USP31: variants seen among roughly 807,000 people sequenced by gnomAD.
The protein encoded by USP31 is ubiquitin specific peptidase 31, also known as ubiquitin carboxyl-terminal hydrolase 31.
Under a neutral mutation model 119.4 loss-of-function variants are expected in USP31, and 44 were observed. The ratio of observed to expected loss-of-function variants is 0.37; its 90% CI spans 0.29 to 0.47. The LOEUF (loss-of-function observed/expected upper bound fraction) is 0.47. Among genes scored for constraint, USP31 ranks in the 20% least tolerant of loss-of-function variants. The pLI, the probability that USP31 is intolerant of heterozygous loss-of-function variation, is 0.99. For missense variants in USP31, 1,643 were observed against 1,730.2 expected (o/e 0.95, Z 0.89); for synonymous variants, 749 against 705.6 (o/e 1.06, Z -0.97).
At chr16:23,102,987 G>C (rs1211878207) in intron 5 of USP31, among the ~76,000 whole-genome samples, 1 of 152,174 alleles carries the variant, frequency 6.6e-6, no homozygotes, top group African/African-American at 2.4e-5. Context: ...AGGGATTAAA[G>C]CACTGTGGAT....
chr16:23,149,369 C>T lies in USP31; in HGVS notation c.-99G>A, dbSNP rs1322267920. ...CCGCAGCGCCGCGCCTCACCGGGCCCGGGGGCTCGACGCCCCACACACCTC... is the reference window on the plus strand; with the variant it reads ...CCGCAGCGCCGCGCCTCACCGGGCCTGGGGGCTCGACGCCCCACACACCTC... On this transcript the variant is annotated 5_prime_UTR_variant, in exon 1 of 16. Coordinates refer to ENST00000219689, the MANE Select transcript of USP31 (RefSeq NM_020718.4). The T allele has an allele frequency of 2.0e-5, 20 of 989,614 alleles. No homozygotes were observed. The highest frequency in any genetic ancestry group is 2.4e-5 in the Non-Finnish European group (20 of 834,182). 61.3% of individuals were successfully genotyped at this position (989,614 alleles called of 1,614,324 possible). A position where few individuals can be genotyped will look rare whatever the true frequency, so the allele number is the denominator to read the frequency against.
At chr16:23,105,624 A>G in intron 4 of USP31, 48 bp from the exon 5 acceptor site, 3 of 1,481,422 alleles carry the variant, frequency 2.0e-6, no homozygotes, top group Non-Finnish European at 2.7e-6. Flanking sequence ...TATTTCAACT[A>G]AAATATAGAA....
intron 5 of USP31, among the ~76,000 whole-genome samples, chr16:23,104,541 A>G (rs146210152): frequency 6.6e-6 from 1 of 152,328 alleles, no homozygotes; most frequent in East Asian, 1.9e-4. Flanking sequence ...TGAACATTTT[A>G]TCAACATGCC....
chr16:23,112,792 G>A (rs1404570253), intron 1 of USP31, among the ~76,000 whole-genome samples: 1 of 152,004 alleles, frequency 6.6e-6, no homozygotes, highest in Non-Finnish European at 1.5e-5. Flanking sequence ...ACTTTGGGAG[G>A]TTGAGGTGGG....
chr16:23,116,405 G>A (rs776668182), intron 1 of USP31, among the ~76,000 whole-genome samples: 53 of 152,124 alleles, frequency 3.5e-4, no homozygotes, highest in Admixed American at 9.2e-4. Flanking sequence ...CTTTCAGGAC[G>A]CCTACTAAGT....
intron 1 of USP31, among the ~76,000 whole-genome samples, chr16:23,131,281 G>C (rs562843394): frequency 6.6e-6 from 1 of 152,138 alleles, no homozygotes; most frequent in Non-Finnish European, 1.5e-5. Flanking sequence ...CAGGCTGGGC[G>C]ACAGAGCAAG....
At chr16:23,139,615 A>G (rs937080771) in intron 1 of USP31, among the ~76,000 whole-genome samples, 1 of 152,078 alleles carries the variant, frequency 6.6e-6, no homozygotes, top group Non-Finnish European at 1.5e-5. Flanking sequence ...AGGCTTAGTC[A>G]TGGGCCTCAG....
At chr16:23,106,509 A>C in intron 2 of USP31, 22 bp from the exon 3 acceptor site, 1 of 1,582,232 alleles carries the variant, frequency 6.3e-7, no homozygotes, top group Non-Finnish European at 8.6e-7. Context: ...AGAAAGTACA[A>C]CTTCACAGAC....
intron 1 of USP31, among the ~76,000 whole-genome samples, chr16:23,147,113 G>A (rs1281993161): frequency 6.6e-6 from 1 of 151,848 alleles, no homozygotes; most frequent in Non-Finnish European, 1.5e-5. Context: ...CGCTGTTTTT[G>A]TTTTGTTTTG....
intron 5 of USP31, among the ~76,000 whole-genome samples, chr16:23,103,486 G>GAA (rs1901968264): frequency 2.6e-5 from 4 of 152,124 alleles, no homozygotes; most frequent in Admixed American, 2.6e-4. Flanking sequence ...ATAAAATAAT[G>GAA]TATATATGCA....
chr16:23,130,604 C>T (rs1292676156), intron 1 of USP31, among the ~76,000 whole-genome samples: 2 of 152,030 alleles, frequency 1.3e-5, no homozygotes, highest in African/African-American at 4.8e-5. Context: ...CAAAGCAATC[C>T]CCTCTCCCTG....
At position 23,086,991 on chromosome 16, in the gene USP31, AC is replaced by A. The variant is rs1369793941; in HGVS notation, c.1622+100del. ...CTTAATTTCGAAATAAGCCTAAAGA[AC>A]CCTGCACACTTATGTGGAAATTATA... is the stretch of plus-strand genomic sequence containing the variant. On this transcript the variant is annotated intron_variant, in intron 9 of 15. Coordinates refer to ENST00000219689, the MANE Select transcript of USP31 (RefSeq NM_020718.4). 5 of 841,276 alleles carry A rather than the reference AC, an allele frequency of 5.9e-6. No homozygotes were observed. The East Asian group carries it at 1.4e-4, about 23-fold the overall frequency. The allele number at this position is 841,276 out of a possible 1,614,324, so 52.1% of individuals were successfully genotyped here.
chr16:23,083,264 C>T (rs77991300), intron 11 of USP31, among the ~76,000 whole-genome samples: 3,234 of 152,310 alleles, frequency 0.021, 58 homozygotes, highest in Middle Eastern at 0.15. Context: ...TCCAGCCATA[C>T]TGGCTTCATT....
chr16:23,136,653 CA>C (rs200523344), intron 1 of USP31, among the ~76,000 whole-genome samples: 111 of 76,314 alleles, frequency 1.5e-3, no homozygotes, highest in Middle Eastern at 0.018. Flanking sequence ...GACTTCATCT[CA>C]AAAAAAAAAA....
chr16:23,115,059 C>A (rs1227367948), intron 1 of USP31, among the ~76,000 whole-genome samples: 1 of 152,192 alleles, frequency 6.6e-6, no homozygotes, highest in African/African-American at 2.4e-5. Flanking sequence ...AGGCAACTCA[C>A]TGAACCTGTG....
Position 23,063,915 on chromosome 16 carries a change from T to A in USP31, c.*4131A>T. 2 of 152,318 alleles carry A rather than the reference T, an allele frequency of 1.3e-5. 1 individual carries two copies. Among genetic ancestry groups the A allele is most frequent in the South Asian group, 4.1e-4 (2 of 4,824 alleles). 9.4% of individuals were successfully genotyped at this position (152,318 alleles called of 1,614,324 possible). A position where few individuals can be genotyped will look rare whatever the true frequency, so the allele number is the denominator to read the frequency against. ...TTTGAAAGTTGATCAAAAGGCAGTG[T>A]GAGAGTGTTCATTTAAATAAAACCA... On this transcript the variant is annotated 3_prime_UTR_variant, in exon 16 of 16. Transcript: ENST00000219689.
intron 1 of USP31, among the ~76,000 whole-genome samples, chr16:23,116,589 T>G (rs1319848184): frequency 1.3e-5 from 2 of 152,210 alleles, no homozygotes; most frequent in Non-Finnish European, 2.9e-5. Context: ...TTCTTCCTCC[T>G]TATCTTCTCC....
chr16:23,077,341 A>G (rs1049242674), intron 13 of USP31, among the ~76,000 whole-genome samples: 1 of 152,228 alleles, frequency 6.6e-6, no homozygotes, highest in African/African-American at 2.4e-5. Context: ...AAAAATATCT[A>G]TTTAAAGAAC....
chr16:23,106,635 G>T, intron 2 of USP31, 148 bp from the exon 3 acceptor site: 1 of 771,574 alleles, frequency 1.3e-6, no homozygotes. Flanking sequence ...TGCTAAAGGA[G>T]CCAGAACACA....
Sources: gnomAD v4.1 joint callset for allele counts (sites outside exome capture counted in the v4.1 genomes callset) on GRCh38, gnomAD v4.1.1 for gene constraint, MANE v1.5 for transcripts, NCBI Gene and HGNC (gene_info 2026-07-23, HGNC 2026-07-21) for gene names.